Variants in OCM observed in about 807,000 individuals in gnomAD.
The protein encoded by OCM is oncomodulin-1.
A neutral mutation model predicts 14.1 loss-of-function variants in OCM; 18 were observed. The observed-to-expected ratio is 1.28, with a 90% confidence interval of 0.88 to 1.89. The LOEUF (loss-of-function observed/expected upper bound fraction) is 1.89, where lower values mean the gene tolerates loss of function less well. Ranked by LOEUF, OCM falls within the 40% of genes most tolerant of loss-of-function variation. The probability of loss-of-function intolerance (pLI) is 0.00; values close to 1 mark genes in which losing one functional copy is unlikely to be tolerated. For synonymous variants in OCM, 48 were observed against 51.0 expected, an observed-to-expected ratio of 0.94 and a Z score of 0.25; for missense variants, 140 against 137.6, an observed-to-expected ratio of 1.02 and a Z score of -0.09.
chr7:5,865,033 C>A, the OCM span, among the ~76,000 whole-genome samples: 5,520 of 152,132 alleles, frequency 0.036, 130 homozygotes, highest in Non-Finnish European at 0.053. Context: ...TGGAAGACAG[C>A]GGGCAGCAGC....
chr7:5,872,647 G>A, the OCM span, among the ~76,000 whole-genome samples: 2 of 152,072 alleles, frequency 1.3e-5, no homozygotes, highest in Non-Finnish European at 2.9e-5. Context: ...GGGGCAAGAT[G>A]TGCTTTGTTA....
chr7:5,860,569 G>A, the OCM span, among the ~76,000 whole-genome samples: 2,610 of 24,468 alleles, frequency 0.11, 753 homozygotes, highest in African/African-American at 0.41. Context: ...ATATACGTGT[G>A]TATATATATT....
chr7:5,876,384 C>T (rs557430418), upstream of OCM, among the ~76,000 whole-genome samples: 19 of 152,294 alleles, frequency 1.2e-4, no homozygotes, highest in Admixed American at 1.2e-3. Context: ...CTCCTGGGCT[C>T]AAGCAATCCT....
upstream of OCM, among the ~76,000 whole-genome samples, chr7:5,875,173 G>A (rs2128605561): frequency 6.6e-6 from 1 of 151,680 alleles, no homozygotes; most frequent in East Asian, 1.9e-4. Flanking sequence ...TCCTGCCCCA[G>A]CCTCCCAAGT....
intron 2 of OCM, 129 bp downstream of exon 2, chr7:5,882,754 A>G: frequency 1.8e-6 from 2 of 1,103,596 alleles, no homozygotes; most frequent in Middle Eastern, 4.5e-4. Flanking sequence ...AAGCATCATT[A>G]AAGCAAAGGA....
chr7:5,864,070 T>C, the OCM span, among the ~76,000 whole-genome samples: 17 of 152,178 alleles, frequency 1.1e-4, no homozygotes, highest in African/African-American at 2.9e-4. Flanking sequence ...CCAGGTGCTG[T>C]GGCTCACACC....
chr7:5,884,858 G>A (rs1781301344), intron 3 of OCM, among the ~76,000 whole-genome samples: 1 of 152,098 alleles, frequency 6.6e-6, no homozygotes, highest in Non-Finnish European at 1.5e-5. Context: ...GGTGGCTCAG[G>A]CCTATAATCC....
chr7:5,873,231 C>G, the OCM span, among the ~76,000 whole-genome samples: 2 of 151,972 alleles, frequency 1.3e-5, no homozygotes, highest in African/African-American at 4.8e-5. Context: ...AAAAAATTCG[C>G]AGGGTATGGT....
the OCM span, among the ~76,000 whole-genome samples, chr7:5,866,666 A>C: frequency 6.6e-6 from 1 of 152,170 alleles, no homozygotes; most frequent in Non-Finnish European, 1.5e-5. Flanking sequence ...ACTCCCAGTA[A>C]TAACTGCTAA....
the OCM span, among the ~76,000 whole-genome samples, chr7:5,869,200 A>G: frequency 6.6e-6 from 1 of 152,212 alleles, no homozygotes; most frequent in Non-Finnish European, 1.5e-5. Context: ...AGAGGAACTC[A>G]GGAAGCATGA....
the OCM span, among the ~76,000 whole-genome samples, chr7:5,863,058 A>G: frequency 6.6e-6 from 1 of 152,096 alleles, no homozygotes; most frequent in Non-Finnish European, 1.5e-5. Context: ...CTTTTTTCAC[A>G]TATTTACTTT....
chr7:5,875,327 G>T (rs1207984897), upstream of OCM, among the ~76,000 whole-genome samples: 2 of 152,060 alleles, frequency 1.3e-5, no homozygotes, highest in African/African-American at 4.8e-5. Flanking sequence ...AAAGTGCTGG[G>T]ATTACAGGTG....
the OCM span, among the ~76,000 whole-genome samples, chr7:5,867,605 C>T: frequency 2.0e-5 from 3 of 152,102 alleles, no homozygotes; most frequent in South Asian, 4.1e-4. Context: ...CTCCTTTTCT[C>T]TGAGACTCCA....
upstream of OCM, among the ~76,000 whole-genome samples, chr7:5,878,558 A>G (rs1167476037): frequency 6.6e-6 from 1 of 150,984 alleles, no homozygotes; most frequent in Non-Finnish European, 1.5e-5. Flanking sequence ...CATCCTGGCT[A>G]ACACGGTGAA....
chr7:5,864,975 C>T, the OCM span, among the ~76,000 whole-genome samples: 1 of 151,890 alleles, frequency 6.6e-6, no homozygotes, highest in African/African-American at 2.4e-5. Context: ...AGTGTGATTT[C>T]CTGGCAGGAA....
At chr7:5,870,138 G>A in the OCM span, among the ~76,000 whole-genome samples, 1 of 151,752 alleles carries the variant, frequency 6.6e-6, no homozygotes, top group African/African-American at 2.4e-5. Flanking sequence ...AATAATAAAA[G>A]CTCTGTCACC....
At chr7:5,861,667 G>T in the OCM span, among the ~76,000 whole-genome samples, 1 of 152,102 alleles carries the variant, frequency 6.6e-6, no homozygotes, top group African/African-American at 2.4e-5. Context: ...CTTGGCATGG[G>T]TCAGCCCTCC....
rs201890706 is a variant in OCM at position 5,882,599 on chromosome 7, C to A, written c.168C>A (p.Ser56Arg). The A allele has an allele frequency of 5.9e-5, 96 of 1,614,028 alleles. No individual in the cohort carries two copies. In the African/African-American group the frequency reaches 1.1e-3, roughly 19 times the overall value. The change falls in exon 2 of 4, where the codon AGC becomes AGA. Residue 56 changes from serine (S) to arginine (R), a missense_variant. Coordinates refer to ENST00000242104, the MANE Select transcript of OCM (RefSeq NM_001097622.2). ...DVFRFIDNDQ[S>R]GYLDEEELKF... ...TCCGGTTCATAGACAACGACCAGAGCGGGTACCTGGATGAAGAAGAGCTTA... is the reference window on the plus strand; with the variant it reads ...TCCGGTTCATAGACAACGACCAGAGAGGGTACCTGGATGAAGAAGAGCTTA...
the OCM span, among the ~76,000 whole-genome samples, chr7:5,861,567 G>C: frequency 0.21 from 31,691 of 152,058 alleles, 3,707 homozygotes; most frequent in African/African-American, 0.31. Context: ...AGAGCCAAGA[G>C]AGTTGCTCAG....
Sources: allele counts gnomAD v4.1 joint callset (sites outside exome capture counted in the v4.1 genomes callset), GRCh38; gene constraint gnomAD v4.1.1; transcripts MANE v1.5; gene names NCBI Gene and HGNC (gene_info 2026-07-23, HGNC 2026-07-21).